ARPP19: variants seen among roughly 807,000 people sequenced by gnomAD.
The protein encoded by ARPP19 is cAMP regulated phosphoprotein 19.
ARPP19 carries 8 observed loss-of-function variants against 12.0 expected under a neutral mutation model. That is an observed-to-expected ratio of 0.67 (90% CI 0.39 to 1.21). The LOEUF is 1.21. Ranked by LOEUF, ARPP19 falls within the 50% of genes most tolerant of loss-of-function variation. ARPP19 has a pLI of 0.01. For missense variants in ARPP19, 102 were observed against 136.3 expected (o/e 0.75, Z 1.25); for synonymous variants, 47 against 50.4 (o/e 0.93, Z 0.29).
intron 1 of ARPP19, among the ~76,000 whole-genome samples, chr15:52,565,074 A>G (rs1028446049): frequency 2.7e-5 from 4 of 147,046 alleles, no homozygotes; most frequent in African/African-American, 1.0e-4. Flanking sequence ...GGTCTCCCTC[A>G]GTCACCCAGT....
intron 2 of ARPP19, among the ~76,000 whole-genome samples, chr15:52,553,552 G>A (rs780141807): frequency 5.9e-5 from 9 of 152,126 alleles, no homozygotes; most frequent in Admixed American, 3.9e-4. Context: ...ACAAAGATGG[G>A]ACAATAGTCA....
At chr15:52,563,909 C>T (rs1397620239) in intron 1 of ARPP19, among the ~76,000 whole-genome samples, 1 of 152,148 alleles carries the variant, frequency 6.6e-6, no homozygotes, top group Admixed American at 6.5e-5. Context: ...TTGCCTAGTG[C>T]CTAGCATTTA....
intron 1 of ARPP19, among the ~76,000 whole-genome samples, chr15:52,565,097 G>A: frequency 6.7e-6 from 1 of 148,428 alleles, no homozygotes; most frequent in East Asian, 2.0e-4. Context: ...CGCCATCAAA[G>A]CTCACTGTGG....
rs2077909422 is a variant in ARPP19 at position 52,549,515 on chromosome 15, A to C, written c.*2419T>G. ...CAGAAGGCAGGTTGGCTTAATGAGG[A>C]AATTTACTTTTAATAAAAAGACAAT... On this transcript the variant is annotated 3_prime_UTR_variant, in exon 3 of 3. Transcript: ENST00000249822. The C allele has an allele frequency of 1.3e-5, 2 of 152,660 alleles. No homozygotes were observed. Among genetic ancestry groups the C allele is most frequent in the African/African-American group, 4.8e-5 (2 of 41,442 alleles). The allele number at this position is 152,660 out of a possible 1,614,324, so 9.5% of individuals were successfully genotyped here. A position where few individuals can be genotyped will look rare whatever the true frequency, so the allele number is the denominator to read the frequency against.
intron 2 of ARPP19, among the ~76,000 whole-genome samples, chr15:52,553,883 C>G (rs1228120558): frequency 6.6e-6 from 1 of 152,196 alleles, no homozygotes; most frequent in Non-Finnish European, 1.5e-5. Context: ...GTCTATGGCC[C>G]AAAGGCCTAA....
At position 52,551,691 on chromosome 15, in the gene ARPP19, A is replaced by C. The variant is rs1463586063; in HGVS notation, c.*243T>G. On this transcript the variant is annotated 3_prime_UTR_variant, in exon 3 of 3. Transcript: ENST00000249822. ...CCAGTACTACACTAGAAGTTAGGTA[A>C]TATATACAACTATTTTCAAGTAGTT... 4.7e-6 allele frequency: 2 copies of C among 421,190 alleles called. No individual in the cohort carries two copies. Among genetic ancestry groups the C allele is most frequent in the Non-Finnish European group, 8.5e-6 (2 of 236,490 alleles). The allele number at this position is 421,190 out of a possible 1,614,324, so 26.1% of individuals were successfully genotyped here.
chr15:52,567,388 A>G (rs1044006954), intron 1 of ARPP19, among the ~76,000 whole-genome samples: 18 of 152,226 alleles, frequency 1.2e-4, no homozygotes, highest in Non-Finnish European at 1.6e-4. Context: ...CAACATACTA[A>G]CAGAACTTAT....
intron 1 of ARPP19, among the ~76,000 whole-genome samples, chr15:52,564,607 AACCTGTATCTCTT>A (rs922614213): frequency 4.6e-5 from 7 of 152,180 alleles, no homozygotes; most frequent in Non-Finnish European, 8.8e-5. Flanking sequence ...TAAAGGCACC[AACCTGTATCTCTT>A]ACCTGACAAA....
intron 1 of ARPP19, among the ~76,000 whole-genome samples, chr15:52,558,970 C>A (rs1261042451): frequency 2.6e-5 from 4 of 152,072 alleles, no homozygotes; most frequent in Non-Finnish European, 4.4e-5. Context: ...AGCTCTCATA[C>A]ATGTTTTATA....
chr15:52,567,332 CAAGTA>C (rs1374781102), intron 1 of ARPP19, among the ~76,000 whole-genome samples: 1 of 152,162 alleles, frequency 6.6e-6, no homozygotes, highest in Non-Finnish European at 1.5e-5. Context: ...TAGGCTTTTC[CAAGTA>C]AAAGTATTTA....
chr15:52,564,193 T>C, intron 1 of ARPP19: 9 of 1,532,046 alleles, frequency 5.9e-6, no homozygotes, highest in Non-Finnish European at 7.9e-6. Context: ...GGTTTACCTC[T>C]AGGCTGTTAG....
chr15:52,567,462 T>C (rs973705843), intron 1 of ARPP19, among the ~76,000 whole-genome samples: 5 of 152,174 alleles, frequency 3.3e-5, no homozygotes, highest in Non-Finnish European at 7.3e-5. Context: ...ATGTAAGTGT[T>C]TAAGGCAAAC....
In ARPP19 at chr15:52,548,279, G is replaced by C. The variant is rs907221216; in HGVS notation, c.*3655C>G. On this transcript the variant is annotated 3_prime_UTR_variant, in exon 3 of 3. Transcript: ENST00000249822. The stretch of plus-strand genomic sequence containing the variant: ...AGGCGAGTGGATCACCTGAGGTCAG[G>C]AGTTCGAGACCAGCCTGGCCAACAT... 6.6e-6 allele frequency: 1 copy of C among 152,166 alleles called. No individual in the cohort carries two copies. The highest frequency in any genetic ancestry group is 2.4e-5 in the African/African-American group (1 of 41,436). 9.4% of individuals were successfully genotyped at this position (152,166 alleles called of 1,614,324 possible). A position where few individuals can be genotyped will look rare whatever the true frequency, so the allele number is the denominator to read the frequency against.
In ARPP19 at chr15:52,550,347, T is replaced by C. The variant is rs2077917757; in HGVS notation, c.*1587A>G. Reference sequence around the variant, plus strand: ...TTTTTAATAGGAGTTTTACCTGTCATGTAAATTACTCTAATTGTCACAAGC... The same window carrying C: ...TTTTTAATAGGAGTTTTACCTGTCACGTAAATTACTCTAATTGTCACAAGC... On this transcript the variant is annotated 3_prime_UTR_variant, in exon 3 of 3. Transcript: ENST00000249822. The C allele has an allele frequency of 3.3e-5, 5 of 152,262 alleles. No homozygotes were observed. The allele number at this position is 152,262 out of a possible 1,614,324, so 9.4% of individuals were successfully genotyped here.
intron 1 of ARPP19, among the ~76,000 whole-genome samples, chr15:52,562,298 A>G: frequency 6.6e-6 from 1 of 152,230 alleles, no homozygotes; most frequent in East Asian, 1.9e-4. Flanking sequence ...GCCATAAAGC[A>G]AATCTTAACT....
chr15:52,558,482 A>AAAAAAG (rs559673591), intron 1 of ARPP19, among the ~76,000 whole-genome samples: 14,265 of 148,708 alleles, frequency 0.096, 785 homozygotes, highest in Middle Eastern at 0.14. Flanking sequence ...AAAAAAAAAA[A>AAAAAAG]AAAGAAAGAA....
chr15:52,563,527 T>C (rs1456111316), intron 1 of ARPP19, among the ~76,000 whole-genome samples: 1 of 152,206 alleles, frequency 6.6e-6, no homozygotes, highest in African/African-American at 2.4e-5. Flanking sequence ...ACCACTGAAA[T>C]ACATCAGAAA....
At chr15:52,565,181 G>C (rs149700373) in intron 1 of ARPP19, among the ~76,000 whole-genome samples, 1 of 151,824 alleles carries the variant, frequency 6.6e-6, no homozygotes, top group African/African-American at 2.4e-5. Flanking sequence ...GGAGTAGGTG[G>C]GACTACAGGT....
In ARPP19 at chr15:52,551,853, GAAAGGAAATAAAAAGTAGATAAGT is replaced by G. The variant is rs1484433616; in HGVS notation, c.*57_*80del. On this transcript the variant is annotated 3_prime_UTR_variant, in exon 3 of 3. Coordinates refer to ENST00000249822, the MANE Select transcript of ARPP19 (RefSeq NM_006628.6). ...TGTCAGTCTCAAATGACTAGTGAAT[GAAAGGAAATAAAAAGTAGATAAGT>G]AACATATTAAGGAGAAATAATGAGA... is the stretch of plus-strand genomic sequence containing the variant. The G allele has an allele frequency of 9.3e-7, 1 of 1,076,962 alleles. No homozygotes were observed. The highest frequency in any genetic ancestry group is 1.4e-6 in the Non-Finnish European group (1 of 723,738). 66.7% of individuals were successfully genotyped at this position (1,076,962 alleles called of 1,614,324 possible).
Sources: allele counts gnomAD v4.1 joint callset (sites outside exome capture counted in the v4.1 genomes callset), GRCh38; gene constraint gnomAD v4.1.1; transcripts MANE v1.5; gene names NCBI Gene and HGNC (gene_info 2026-07-23, HGNC 2026-07-21).